TTC7B: variants seen among roughly 807,000 people sequenced by gnomAD.
TTC7B encodes tetratricopeptide repeat domain 7B.
A neutral mutation model predicts 106.8 loss-of-function variants in TTC7B; 28 were observed. The observed-to-expected ratio is 0.26, with a 90% CI of 0.19 to 0.36. The LOEUF (loss-of-function observed/expected upper bound fraction) is 0.36. Among genes scored for constraint, TTC7B ranks in the 10% least tolerant of loss-of-function variants. The probability of loss-of-function intolerance (pLI) is 1.00; values close to 1 mark genes in which losing one functional copy is unlikely to be tolerated. For missense variants in TTC7B, 862 were observed against 1,076.4 expected (o/e 0.80, Z 2.79); for synonymous variants, 405 against 430.6 (o/e 0.94, Z 0.74).
intron 7 of TTC7B, among the ~76,000 whole-genome samples, chr14:90,686,272 T>C (rs1887248321): frequency 2.0e-5 from 3 of 152,050 alleles, no homozygotes; most frequent in African/African-American, 7.2e-5. Flanking sequence ...GTTGACAAAA[T>C]TCAACACCCA....
In TTC7B at chr14:90,674,644, G is replaced by A. The variant is rs556483668; in HGVS notation, c.1152+1879C>T. Among the ~76,000 whole-genome samples, 55 of 152,368 alleles carry A rather than the reference G, an allele frequency of 3.6e-4. 1 individual carries two copies. In the South Asian group the frequency reaches 0.011, roughly 32 times the overall value. ...CTTAATCAGAGCCCCTGGCACAGAA[G>A]AGGTGATAGTACATACATGTGTTGA... On this transcript the variant is annotated intron_variant, in intron 9 of 19. Transcript: ENST00000328459.
intron 15 of TTC7B, among the ~76,000 whole-genome samples, chr14:90,630,831 GT>G (rs201616174): frequency 7.0e-6 from 1 of 141,864 alleles, no homozygotes; most frequent in Non-Finnish European, 1.5e-5. Flanking sequence ...CTTCTATCTT[GT>G]TTTTTGTTTT....
Position 90,742,571 on chromosome 14 carries a change from C to G in TTC7B, c.576+2221G>C, listed in dbSNP as rs1357022677. 6.6e-6 allele frequency among the ~76,000 whole-genome samples: 1 copy of G among 152,194 alleles called. No homozygotes were observed. The highest frequency in any genetic ancestry group is 1.5e-5 in the Non-Finnish European group (1 of 68,034). ...AGCCTGGGAGAATAAAGTGAGCCAG[C>G]ACTAAGCTAGGTGTCGTGTGAGTGG... is the stretch of plus-strand genomic sequence containing the variant. On this transcript the variant is annotated intron_variant, in intron 4 of 19. Coordinates refer to ENST00000328459, the MANE Select transcript of TTC7B (RefSeq NM_001010854.2). This position sits in a 1 kb window ranked among gnomAD's most constrained non-coding sequence, Gnocchi z 4.1.
intron 4 of TTC7B, among the ~76,000 whole-genome samples, chr14:90,730,798 C>T (rs1163239516): frequency 6.6e-6 from 1 of 152,178 alleles, no homozygotes; most frequent in African/African-American, 2.4e-5. Context: ...GAGCAAAACA[C>T]CCTCTCTCCC....
At chr14:90,783,357 T>C (rs1891280758) in intron 2 of TTC7B, among the ~76,000 whole-genome samples, 1 of 152,146 alleles carries the variant, frequency 6.6e-6, no homozygotes, top group Non-Finnish European at 1.5e-5. Context: ...AGCACACCCA[T>C]GCAAAAGATG....
chr14:90,606,019 C>G (rs1195742961), intron 17 of TTC7B, among the ~76,000 whole-genome samples: 1 of 152,190 alleles, frequency 6.6e-6, no homozygotes, highest in Admixed American at 6.5e-5. Flanking sequence ...GGCACAGATT[C>G]AGCAGTGTGA....
rs369929981 is a variant in TTC7B at position 90,624,335 on chromosome 14, C to T, written c.1752-6290G>A. 6.7e-4 allele frequency among the ~76,000 whole-genome samples: 102 copies of T among 152,322 alleles called. No homozygotes were observed. Among genetic ancestry groups the T allele is most frequent in the African/African-American group, 2.4e-3 (98 of 41,568 alleles). ...AGGGCTTAGAAAGAAGACACAACTG[C>T]CCCTGGGGAAGCTCTGGGGCACGCG... On this transcript the variant is annotated intron_variant, in intron 15 of 19. Coordinates refer to ENST00000328459, the MANE Select transcript of TTC7B (RefSeq NM_001010854.2). The surrounding 1 kb of genome is among the most constrained non-coding windows in gnomAD (Gnocchi z 4.0).
intron 7 of TTC7B, 36 bp downstream of exon 7, chr14:90,689,504 C>T: frequency 6.3e-7 from 1 of 1,579,434 alleles, no homozygotes; most frequent in Non-Finnish European, 8.6e-7. Flanking sequence ...TTCCTCCCAA[C>T]CCATAACCTA....
chr14:90,585,071 C>T (rs564728720), intron 18 of TTC7B, among the ~76,000 whole-genome samples: 35 of 152,270 alleles, frequency 2.3e-4, no homozygotes, highest in African/African-American at 7.7e-4. Flanking sequence ...CTTCAAGTGC[C>T]GTCCTACCCT....
intron 6 of TTC7B, among the ~76,000 whole-genome samples, chr14:90,692,119 C>A (rs1191058647): frequency 6.6e-6 from 1 of 152,122 alleles, no homozygotes; most frequent in Non-Finnish European, 1.5e-5. Context: ...TTCTTCAGTT[C>A]TAGACATGTG....
At chr14:90,645,289 C>T (rs1885390342) in intron 14 of TTC7B, among the ~76,000 whole-genome samples, 1 of 152,202 alleles carries the variant, frequency 6.6e-6, no homozygotes, top group African/African-American at 2.4e-5. Flanking sequence ...TAGGTTATAA[C>T]TGCTGGCTGT....
rs1340863914 is a variant in TTC7B, at chr14:90,802,327, C to T, written c.121+13848G>A. ...CAGGGAAGTCTAGGGTGCCTGTGCC[C>T]GTGCCTGCAGAAGGGAAGGGTCAGG... is the stretch of plus-strand genomic sequence containing the variant. On this transcript the variant is annotated intron_variant, in intron 1 of 19. Transcript: ENST00000328459. The surrounding 1 kb of genome is among the most constrained non-coding windows in gnomAD (Gnocchi z 4.7). 1.3e-5 allele frequency among the ~76,000 whole-genome samples: 2 copies of T among 152,060 alleles called. No individual in the cohort carries two copies. Among genetic ancestry groups the T allele is most frequent in the South Asian group, 2.1e-4 (1 of 4,824 alleles).
At chr14:90,679,979 A>G (rs1886987617) in intron 8 of TTC7B, among the ~76,000 whole-genome samples, 1 of 152,236 alleles carries the variant, frequency 6.6e-6, no homozygotes, top group African/African-American at 2.4e-5. Context: ...AAGAGACAAC[A>G]AGGGCAGGAG....
intron 5 of TTC7B, among the ~76,000 whole-genome samples, chr14:90,712,728 G>A (rs1595308197): frequency 6.6e-6 from 1 of 151,818 alleles, no homozygotes; most frequent in African/African-American, 2.4e-5. Context: ...TCAAAACGCT[G>A]GCAGGCTTTT....
At chr14:90,796,040 C>T (rs961453925) in intron 1 of TTC7B, among the ~76,000 whole-genome samples, 43 of 152,242 alleles carry the variant, frequency 2.8e-4, no homozygotes, top group Admixed American at 3.3e-4. Flanking sequence ...TGCGTTTGAA[C>T]GCAGGCAGTC....
chr14:90,558,714 G>A (rs752727100), intron 19 of TTC7B, among the ~76,000 whole-genome samples: 13 of 152,204 alleles, frequency 8.5e-5, no homozygotes, highest in Non-Finnish European at 1.2e-4. Context: ...CTGCCCTGCC[G>A]GCCTCTGTTC....
At chr14:90,815,391 C>G (rs1377247831) in intron 1 of TTC7B, among the ~76,000 whole-genome samples, 1 of 152,040 alleles carries the variant, frequency 6.6e-6, no homozygotes, top group Non-Finnish European at 1.5e-5. Context: ...CTCCAGGCAC[C>G]AGGCTCCTAC....
At chr14:90,573,418 G>A (rs144920424) in intron 19 of TTC7B, among the ~76,000 whole-genome samples, 5,895 of 98,572 alleles carry the variant, frequency 0.06, 5 homozygotes, top group South Asian at 0.088. Context: ...TCCGGCTCAC[G>A]GTCCCTCTCC....
intron 18 of TTC7B, among the ~76,000 whole-genome samples, chr14:90,579,170 C>T (rs1330822235): frequency 1.3e-5 from 2 of 152,214 alleles, no homozygotes; most frequent in Non-Finnish European, 2.9e-5. Context: ...AATTGAGGCA[C>T]CACCATCTTT....
Sources: gnomAD v4.1 joint callset for allele counts (sites outside exome capture counted in the v4.1 genomes callset) on GRCh38, gnomAD v4.1.1 for gene constraint, Gnocchi (gnomAD v3.1) non-coding constraint, MANE v1.5 for transcripts, NCBI Gene and HGNC (gene_info 2026-07-23, HGNC 2026-07-21) for gene names.